RUFY3: variants seen among roughly 807,000 people sequenced by gnomAD.
RUFY3 encodes protein RUFY3.
In RUFY3, 34 loss-of-function variants were observed where a neutral mutation model predicts 84.0. That is an observed-to-expected ratio of 0.40 (90% CI 0.31 to 0.54). The LOEUF is 0.54. RUFY3 is among the 20% of genes least tolerant of loss of function. The pLI is 0.39. For synonymous variants in RUFY3, 242 were observed against 252.9 expected, an observed-to-expected ratio of 0.96 and a Z score of 0.41; for missense variants, 507 against 736.8, an observed-to-expected ratio of 0.69 and a Z score of 3.61.
chr4:70,787,214 A>ATATATATATATATATAT (rs757534627), intron 10 of RUFY3, among the ~76,000 whole-genome samples: 2 of 131,718 alleles, frequency 1.5e-5, no homozygotes, highest in East Asian at 2.7e-4. Flanking sequence ...ATATATATAT[A>ATATATATATATATATAT]AAAACAAATT....
intron 1 of RUFY3, among the ~76,000 whole-genome samples, chr4:70,746,816 T>C (rs1300038952): frequency 6.6e-6 from 1 of 152,224 alleles, no homozygotes. Flanking sequence ...TACTATATGA[T>C]TCTATTTACA....
chr4:70,776,742 CT>C (rs1728042838), intron 7 of RUFY3, among the ~76,000 whole-genome samples: 1 of 152,228 alleles, frequency 6.6e-6, no homozygotes, highest in Non-Finnish European at 1.5e-5. Context: ...CGCCACTGCA[CT>C]CCAGCATGGG....
chr4:70,742,514 G>T (rs2148650587), intron 1 of RUFY3, among the ~76,000 whole-genome samples: 1 of 152,198 alleles, frequency 6.6e-6, no homozygotes, highest in South Asian at 2.1e-4. Flanking sequence ...TGTGCCACCT[G>T]CGAACCCTTC....
intron 10 of RUFY3, 54 bp downstream of exon 10, chr4:70,784,933 C>T (rs1340420131): frequency 1.6e-6 from 2 of 1,260,036 alleles, no homozygotes; most frequent in African/African-American, 3.0e-5. Flanking sequence ...GGTAACTGCC[C>T]ACTTAGAGGT....
At chr4:70,751,041 A>G (rs1723056501) in intron 1 of RUFY3, among the ~76,000 whole-genome samples, 2 of 152,170 alleles carry the variant, frequency 1.3e-5, no homozygotes, top group African/African-American at 2.4e-5. Context: ...ACATTAATGC[A>G]TACATTTTGT....
chr4:70,711,056 T>C (rs1577891359), intron 1 of RUFY3, among the ~76,000 whole-genome samples: 2 of 98,616 alleles, frequency 2.0e-5, no homozygotes, highest in African/African-American at 8.4e-5. Context: ...AGAGCAAGAC[T>C]CCGTCTGGAA....
In RUFY3 at chr4:70,711,817, C is replaced by T. The variant is rs199856282; in HGVS notation, c.358+6523C>T. On this transcript the variant is annotated intron_variant, in intron 1 of 11. Transcript: ENST00000417478. ...GGTCATGCCCCCGTTTCCTTCCTCA[C>T]GACTAAACACTCTGCTTGCCTTCCT... 1.4e-4 allele frequency among the ~76,000 whole-genome samples: 22 copies of T among 152,308 alleles called. No homozygotes were observed. In the East Asian group the frequency reaches 2.9e-3, roughly 20 times the overall value.
intron 6 of RUFY3, 40 bp from the exon 7 acceptor site, chr4:70,775,128 T>C: frequency 6.8e-7 from 1 of 1,473,478 alleles, no homozygotes; most frequent in Non-Finnish European, 9.4e-7. Flanking sequence ...GTATTTCTTA[T>C]GTTATTTATT....
intron 1 of RUFY3, among the ~76,000 whole-genome samples, chr4:70,710,853 A>T (rs1740901528): frequency 6.6e-6 from 1 of 151,536 alleles, no homozygotes; most frequent in African/African-American, 2.4e-5. Flanking sequence ...ACTTGAGGTC[A>T]GGAGTTCAAG....
chr4:70,800,827 A>C (rs1732133333), intron 15 of RUFY3, among the ~76,000 whole-genome samples: 1 of 152,170 alleles, frequency 6.6e-6, no homozygotes, highest in African/African-American at 2.4e-5. Flanking sequence ...GGTTGCAGTG[A>C]GCCAAGATAG....
intron 1 of RUFY3, among the ~76,000 whole-genome samples, chr4:70,710,345 C>G (rs569301258): frequency 6.6e-6 from 1 of 152,290 alleles, no homozygotes; most frequent in African/African-American, 2.4e-5. Flanking sequence ...GTTATTGTCT[C>G]TCTTCTTTTT....
chr4:70,768,898 A>G (rs534424607), intron 5 of RUFY3, among the ~76,000 whole-genome samples: 2 of 152,302 alleles, frequency 1.3e-5, no homozygotes, highest in African/African-American at 4.8e-5. Flanking sequence ...TTAAACATAC[A>G]TATACACACA....
intron 5 of RUFY3, among the ~76,000 whole-genome samples, chr4:70,771,507 G>A (rs1034114451): frequency 3.3e-5 from 5 of 152,062 alleles, no homozygotes; most frequent in African/African-American, 7.2e-5. Context: ...CACATATTTT[G>A]TATATTATAA....
intron 9 of RUFY3, 109 bp downstream of exon 9, chr4:70,783,292 A>G: frequency 1.4e-6 from 1 of 694,488 alleles, no homozygotes; most frequent in Admixed American, 2.9e-5. Context: ...TATCAAGCAC[A>G]CTTTTTATTT....
chr4:70,733,273 G>A (rs986143927), intron 1 of RUFY3, among the ~76,000 whole-genome samples: 2 of 151,986 alleles, frequency 1.3e-5, no homozygotes, highest in Admixed American at 1.3e-4. Flanking sequence ...ATTCTGGACC[G>A]ACTGTATATT....
intron 12 of RUFY3, chr4:70,793,558 G>A (rs1273385194): frequency 2.1e-5 from 29 of 1,401,760 alleles, no homozygotes; most frequent in Non-Finnish European, 2.6e-5. Flanking sequence ...TGGAAAATCA[G>A]CTTTTCCTCT....
At chr4:70,755,836 A>G (rs968883977) in intron 1 of RUFY3, among the ~76,000 whole-genome samples, 2 of 152,136 alleles carry the variant, frequency 1.3e-5, no homozygotes, top group South Asian at 4.2e-4. Flanking sequence ...CTGTAGTCCC[A>G]GCTACTCAGG....
At chr4:70,741,512 C>G in intron 1 of RUFY3, 2 of 775,466 alleles carry the variant, frequency 2.6e-6, no homozygotes, top group Non-Finnish European at 3.9e-6. Context: ...AGAAAGAATC[C>G]TAGGAACCTC....
chr4:70,715,511 GAAC>G (rs1741459898), intron 1 of RUFY3, among the ~76,000 whole-genome samples: 2 of 143,550 alleles, frequency 1.4e-5, no homozygotes, highest in Non-Finnish European at 1.5e-5. Flanking sequence ...AGAATCGCTT[GAAC>G]CCGGGAGGCA....
Sources: gnomAD v4.1 joint callset for allele counts (sites outside exome capture counted in the v4.1 genomes callset) on GRCh38, gnomAD v4.1.1 for gene constraint, MANE v1.5 for transcripts, NCBI Gene and HGNC (gene_info 2026-07-23, HGNC 2026-07-21) for gene names.